Variants in LDB3 observed in about 807,000 individuals in gnomAD.
LDB3 encodes LIM domain binding 3, also known as LIM domain-binding protein 3.
LDB3 carries 49 observed loss-of-function variants against 69.0 expected under a neutral mutation model. The observed-to-expected ratio is 0.71, with a 90% CI of 0.56 to 0.90. The LOEUF (loss-of-function observed/expected upper bound fraction) is 0.90, where lower values mean the gene tolerates loss of function less well. Ranked by LOEUF, LDB3 falls within the 40% of genes least tolerant of loss-of-function variation. The pLI is 0.00. For missense variants in LDB3, 928 were observed against 974.1 expected, an observed-to-expected ratio of 0.95 and a Z score of 0.63; for synonymous variants, 387 against 396.2, an observed-to-expected ratio of 0.98 and a Z score of 0.28.
chr10:86,698,076 C>G lies in LDB3; in HGVS notation c.896+5505C>G, dbSNP rs535144721. Among the ~76,000 whole-genome samples the G allele has an allele frequency of 5.3e-5, 8 of 152,304 alleles. No homozygotes were observed. The East Asian group carries it at 1.5e-3, about 29-fold the overall frequency. On this transcript the variant is annotated intron_variant, in intron 7 of 13. Transcript: ENST00000361373. ...CCGCCTTTTTATAGCCATACCCACT[C>G]CCCTCCAGCACCCACCCACCTCCTT...
At chr10:86,673,116 T>C (rs375666295) in intron 2 of LDB3, among the ~76,000 whole-genome samples, 6 of 152,218 alleles carry the variant, frequency 3.9e-5, no homozygotes, top group Non-Finnish European at 7.3e-5. Context: ...GGAACCATCC[T>C]TGGACACAAG....
intron 12 of LDB3, 78 bp downstream of exon 12, chr10:86,718,925 C>T: frequency 6.3e-7 from 1 of 1,583,142 alleles, no homozygotes; most frequent in Non-Finnish European, 8.6e-7. Flanking sequence ...TAACTCCTGC[C>T]TAATCCATTC....
chr10:86,731,722 A>G (rs529441089), intron 13 of LDB3, among the ~76,000 whole-genome samples: 29 of 152,238 alleles, frequency 1.9e-4, no homozygotes, highest in African/African-American at 6.0e-4. Context: ...TCACATCTCA[A>G]TGGTTCTTGT....
rs1844992123 is a variant in LDB3 at position 86,679,478 on chromosome 10, A to T, written c.205A>T (p.Ile69Phe). The change falls in exon 3 of 14, where the codon ATC becomes TTC. Residue 69 changes from isoleucine to phenylalanine, a missense_variant. By Grantham distance (21) the Ile-to-Phe change is conservative (BLOSUM62 0). Transcript: ENST00000361373. ...GACCCACCTGGAAGCCCAGAACAAGATCAAGTCTGCCAGCTACAACTTGAG... is the reference window on the plus strand; with the variant it reads ...GACCCACCTGGAAGCCCAGAACAAGTTCAAGTCTGCCAGCTACAACTTGAG... ...TMTHLEAQNK[I>F]KSASYNLSLT... The T allele has an allele frequency of 6.2e-7, 1 of 1,614,066 alleles. No individual in the cohort carries two copies.
At chr10:86,681,375 G>A in intron 4 of LDB3, 61 bp from the exon 5 acceptor site, 1 of 1,595,468 alleles carries the variant, frequency 6.3e-7, no homozygotes, top group Non-Finnish European at 8.5e-7. Flanking sequence ...AGGAGCGCTG[G>A]GACGCGTGTG....
At chr10:86,727,901 G>A (rs1847316761) in intron 13 of LDB3, among the ~76,000 whole-genome samples, 1 of 150,752 alleles carries the variant, frequency 6.6e-6, no homozygotes, top group South Asian at 2.1e-4. Flanking sequence ...GCAATGGCGT[G>A]ATCACAGCTC....
chr10:86,726,027 C>G, intron 12 of LDB3, 110 bp from the exon 13 acceptor site: 1 of 729,708 alleles, frequency 1.4e-6, no homozygotes. Flanking sequence ...TGACAAACAA[C>G]CAATTAGATT....
chr10:86,717,718 A>G (rs919927551), intron 10 of LDB3, among the ~76,000 whole-genome samples: 5 of 152,232 alleles, frequency 3.3e-5, no homozygotes, highest in African/African-American at 7.2e-5. Context: ...ACTGAATTCT[A>G]TAATATGTTT....
At chr10:86,732,753 C>G in intron 13 of LDB3, 134 bp from the exon 14 acceptor site, 1 of 686,582 alleles carries the variant, frequency 1.5e-6, no homozygotes, top group South Asian at 1.6e-5. Context: ...ATCTGCCTGC[C>G]TTGGCCTTCC....
intron 5 of LDB3, among the ~76,000 whole-genome samples, chr10:86,690,202 C>T (rs570364462): frequency 4.6e-5 from 7 of 152,286 alleles, no homozygotes; most frequent in Non-Finnish European, 8.8e-5. Flanking sequence ...CCACACCTTC[C>T]CTCACCCACT....
rs786205349 is a variant in LDB3, at chr10:86,716,420, C to T, written c.1325C>T (p.Ala442Val). 6.4e-7 allele frequency: 1 copy of T among 1,557,168 alleles called. No homozygotes were observed. The highest frequency in any genetic ancestry group is 1.4e-5 in the African/African-American group (1 of 70,556). Residue 442 changes from alanine (A) to valine (V), a missense_variant, in exon 10 of 14, where the codon GCC becomes GTC. By Grantham distance (64) the Ala-to-Val change is moderately conservative. Transcript: ENST00000361373. ...SPAPAYTPSP[A>V]PAYTPSPVPT... ...GCCCCTGCCTACACCCCCTCCCCTG[C>T]CCCTGCCTACACCCCCTCACCTGTC...
chr10:86,688,049 T>G (rs1343885587), intron 5 of LDB3, among the ~76,000 whole-genome samples: 2 of 14,078 alleles, frequency 1.4e-4, no homozygotes, highest in African/African-American at 3.3e-4. Flanking sequence ...CCCCCGACCC[T>G]CGTGTGTGTG....
chr10:86,726,380 G>C lies in LDB3; in HGVS notation c.2094+128G>C, dbSNP rs1346097525. On this transcript the variant is annotated intron_variant, in intron 13 of 13. Transcript: ENST00000361373. ...GACATCCTGATCATTTTTAAAAGCT[G>C]GCAAACACCATGATGCCTCGATACA... 3 of 736,222 alleles carry C rather than the reference G, an allele frequency of 4.1e-6. No homozygotes were observed. The East Asian group carries it at 8.0e-5, about 20-fold the overall frequency. The allele number at this position is 736,222 out of a possible 1,614,324, so 45.6% of individuals were successfully genotyped here. A position where few individuals can be genotyped will look rare whatever the true frequency, so the allele number is the denominator to read the frequency against.
At chr10:86,712,635 G>C (rs967022607) in intron 9 of LDB3, among the ~76,000 whole-genome samples, 1 of 152,182 alleles carries the variant, frequency 6.6e-6, no homozygotes, top group African/African-American at 2.4e-5. Flanking sequence ...CACGTAAAGG[G>C]CCTGGCATGT....
In LDB3 at chr10:86,699,629, A is replaced by C; in HGVS notation, c.897-6902A>C. 7.4e-7 allele frequency: 1 copy of C among 1,351,304 alleles called. No homozygotes were observed. The highest frequency in any genetic ancestry group is 1.5e-5 in the South Asian group (1 of 65,882). The allele number at this position is 1,351,304 out of a possible 1,614,324, so 83.7% of individuals were successfully genotyped here. On this transcript the variant is annotated intron_variant, in intron 7 of 13. Coordinates refer to ENST00000361373, the MANE Select transcript of LDB3 (RefSeq NM_007078.3). The surrounding 1 kb of genome is among the most constrained non-coding windows in gnomAD (Gnocchi z 4.9). ...CCACCCCCCAAATAGCCCGTAGCCC[A>C]ATCCCCTGCCCTCTGCACAGGGCCT...
rs117446222 is a variant in LDB3 at position 86,675,561 on chromosome 10, C to A, written c.94-3806C>A. 1.8e-3 allele frequency among the ~76,000 whole-genome samples: 267 copies of A among 152,348 alleles called. 2 individuals are homozygous for A. In the East Asian group the frequency reaches 0.043, roughly 25 times the overall value. On this transcript the variant is annotated intron_variant, in intron 2 of 13. Coordinates refer to ENST00000361373, the MANE Select transcript of LDB3 (RefSeq NM_007078.3). The stretch of plus-strand genomic sequence containing the variant: ...AGATGGGCATTTGGGGGTGCCCTGC[C>A]GTGAGAGAGCCTTGCTGTGGGGGTG...
At chr10:86,711,865 C>T (rs1175978201) in intron 9 of LDB3, among the ~76,000 whole-genome samples, 1 of 150,510 alleles carries the variant, frequency 6.6e-6, no homozygotes, top group Non-Finnish European at 1.5e-5. Flanking sequence ...CCGGGCCCGG[C>T]CCGGCGTGAG....
At chr10:86,684,676 G>A (rs1845362462) in intron 5 of LDB3, among the ~76,000 whole-genome samples, 1 of 152,214 alleles carries the variant, frequency 6.6e-6, no homozygotes, top group African/African-American at 2.4e-5. Flanking sequence ...GGCTTCCCAG[G>A]GTTTGGCTGC....
Position 86,699,862 on chromosome 10 carries a change from A to G in LDB3, c.897-6669A>G. 1 of 1,021,996 alleles carries G rather than the reference A, an allele frequency of 9.8e-7. No individual in the cohort carries two copies. The highest frequency in any genetic ancestry group is 1.2e-6 in the Non-Finnish European group (1 of 851,694). 63.3% of individuals were successfully genotyped at this position (1,021,996 alleles called of 1,614,324 possible). The stretch of plus-strand genomic sequence containing the variant: ...CTCGCTGCCCTCTGGAGCTCAGGGC[A>G]GCCCGGAATAGGGCTCTTTGAAGAG... On this transcript the variant is annotated intron_variant, in intron 7 of 13. Coordinates refer to ENST00000361373, the MANE Select transcript of LDB3 (RefSeq NM_007078.3). The surrounding 1 kb of genome is among the most constrained non-coding windows in gnomAD (Gnocchi z 4.9).
Sources: gnomAD v4.1 joint callset for allele counts (sites outside exome capture counted in the v4.1 genomes callset) on GRCh38, gnomAD v4.1.1 for gene constraint, Gnocchi (gnomAD v3.1) non-coding constraint, MANE v1.5 for transcripts, NCBI Gene and HGNC (gene_info 2026-07-23, HGNC 2026-07-21) for gene names.